The following TTN variants were observed in gnomAD, a reference collection of about 807,000 sequenced individuals.
TTN encodes connectin.
TTN carries 1,525 observed loss-of-function variants against 3,223.0 expected under a neutral mutation model. The ratio of observed to expected loss-of-function variants is 0.47; its 90% CI spans 0.45 to 0.49. The LOEUF is 0.49. Among genes scored for constraint, TTN ranks in the 20% least tolerant of loss-of-function variants. The probability of loss-of-function intolerance (pLI) is 0.00; values close to 1 mark genes in which losing one functional copy is unlikely to be tolerated. For synonymous variants in TTN, 14,094 were observed against 15,161.0 expected (o/e 0.93, Z 5.17); for missense variants, 40,786 against 43,424.0 (o/e 0.94, Z 5.40).
chr2:178,751,827 A>G (rs781084206), intron 47 of TTN: 3 of 1,612,934 alleles, frequency 1.9e-6, no homozygotes, highest in African/African-American at 1.3e-5. Context: ...ATTAATCTAC[A>G]TGTAAAAACA....
Position 178,567,405 on chromosome 2 carries a change from T to C in TTN, c.78727A>G (p.Lys26243Glu), listed in dbSNP as rs1372864085. ...AGTAAAGCCTTGAAATCTGTGTTCTTTATTTCACATCTAGCAGATTCTTCA... is the reference window on the plus strand; with the variant it reads ...AGTAAAGCCTTGAAATCTGTGTTCTCTATTTCACATCTAGCAGATTCTTCA... ...EIEESARCEIKNTDFKALLIV... is the reference protein window; with the variant it reads ...EIEESARCEIENTDFKALLIV... The change falls in exon 326 of 363, where the codon AAG becomes GAG. Residue 26243 changes from lysine (K) to glutamate (E), a missense_variant. By Grantham distance (56) the Lys-to-Glu change is moderately conservative (BLOSUM62 1). Coordinates refer to ENST00000589042, the MANE Select transcript of TTN (RefSeq NM_001267550.2). The C allele has an allele frequency of 3.1e-6, 5 of 1,603,374 alleles. No homozygotes were observed. The highest frequency in any genetic ancestry group is 3.4e-6 in the Non-Finnish European group (4 of 1,175,616).
intron 156 of TTN, 131 bp from the exon 157 acceptor site, chr2:178,670,426 C>CTGTA: frequency 2.4e-6 from 1 of 425,300 alleles, no homozygotes; most frequent in Non-Finnish European, 4.1e-6. Flanking sequence ...TTATCAAATA[C>CTGTA]ATTACAGTAT....
rs1292868903 is a variant in TTN, at chr2:178,624,488, G to T, written c.44792C>A (p.Thr14931Asn). The T allele has an allele frequency of 1.2e-6, 2 of 1,612,564 alleles. No homozygotes were observed. Among genetic ancestry groups the T allele is most frequent in the East Asian group, 4.5e-5 (2 of 44,746 alleles). ...TYTCDAKDFK[T>N]SCNLNVVPPH... ...ACGCACGACATTCAGGTTACAGGAA[G>T]TCTTAAAATCCTTAGCATCACAAGT... is the stretch of plus-strand genomic sequence containing the variant. Residue 14931 changes from threonine (T) to asparagine (N), a missense_variant, in exon 242 of 363, where the codon ACT (threonine) becomes AAT (asparagine). Physicochemically the swap from Thr to Asn is moderately conservative, Grantham distance 65. Coordinates refer to ENST00000589042, the MANE Select transcript of TTN (RefSeq NM_001267550.2).
chr2:178,775,194 A>G lies in TTN; in HGVS notation c.6517T>C (p.Leu2173=), dbSNP rs760798049. The G allele has an allele frequency of 5.0e-6, 8 of 1,613,912 alleles. No homozygotes were observed. The highest frequency in any genetic ancestry group is 5.9e-6 in the Non-Finnish European group (7 of 1,179,956). ...HAFLLVQAKQ[L]ITFTQELQDV... ...TGTAATTCCTGTGTGAAAGTGATCAATTGCTTGGCTACAAGAAAAAGGTGG... is the reference window on the plus strand; with the variant it reads ...TGTAATTCCTGTGTGAAAGTGATCAGTTGCTTGGCTACAAGAAAAAGGTGG... Residue 2173 remains leucine, a synonymous_variant, in exon 29 of 363, where the codon TTG becomes CTG. Transcript: ENST00000589042.
chr2:178,567,270 C>T lies in TTN; in HGVS notation c.78862G>A (p.Gly26288Arg). Residue 26288 changes from glycine to arginine, a missense_variant, in exon 326 of 363, where the codon GGA becomes AGA. Gly to Arg is a moderately radical substitution (Grantham distance 125, BLOSUM62 -2). Transcript: ENST00000589042. Reference protein sequence around the residue: ...PVNVKVLDRPGPPEGPVQVTG... With the variant: ...PVNVKVLDRPRPPEGPVQVTG... ...ACCTGGACTGGCCCTTCTGGAGGTCCTGGTCTATCTAATACTTTTACATTT... is the reference window on the plus strand; with the variant it reads ...ACCTGGACTGGCCCTTCTGGAGGTCTTGGTCTATCTAATACTTTTACATTT... 5 of 1,606,516 alleles carry T rather than the reference C, an allele frequency of 3.1e-6. 1 individual carries two copies. The South Asian group carries it at 5.6e-5, about 18-fold the overall frequency.
rs113934347 is a variant in TTN at position 178,579,951 on chromosome 2, C to T, written c.67336G>A (p.Val22446Ile). 2 of 1,613,118 alleles carry T rather than the reference C, an allele frequency of 1.2e-6. No homozygotes were observed. Among genetic ancestry groups the T allele is most frequent in the African/African-American group, 1.3e-5 (1 of 75,008 alleles). The change falls in exon 318 of 363, where the codon GTC (valine) becomes ATC (isoleucine). Residue 22446 changes from valine (V) to isoleucine (I), a missense_variant. Transcript: ENST00000589042. ...TTCATTTGCTTACGGGAAGCTTTGACAGCATCACGAGTTTCACCGGGATCA... is the reference window on the plus strand; with the variant it reads ...TTCATTTGCTTACGGGAAGCTTTGATAGCATCACGAGTTTCACCGGGATCA... ...IGDPGETRDA[V>I]KASQTPGPVV...
In TTN at chr2:178,538,974, A is replaced by G. The variant is rs930087833; in HGVS notation, c.98961T>C (p.Ser32987=). ...ATGGATCTTTGCAAACAACTGGTTC[A>G]GAAGCAGGGCTGGTCTCACTCAGGC... ...DVGLSETSPA[S]EPVVCKDPFD... The change falls in exon 353 of 363, where the codon TCT becomes TCC. Residue 32987 remains serine, a synonymous_variant. Transcript: ENST00000589042. 34 of 1,610,386 alleles carry G rather than the reference A, an allele frequency of 2.1e-5. No homozygotes were observed. Among genetic ancestry groups the G allele is most frequent in the Non-Finnish European group, 2.9e-5 (34 of 1,176,926 alleles).
rs1193461740 is a variant in TTN at position 178,714,316 on chromosome 2, A to C, written c.26458T>G (p.Cys8820Gly). 6.2e-7 allele frequency: 1 copy of C among 1,612,898 alleles called. No homozygotes were observed. Among genetic ancestry groups the C allele is most frequent in the African/African-American group, 1.3e-5 (1 of 74,852 alleles). ...CCGAGAACGGATAGCGTGGCGAAGCACTCTTGCATCCCAGCATCGTTTTTG... is the reference window on the plus strand; with the variant it reads ...CCGAGAACGGATAGCGTGGCGAAGCCCTCTTGCATCCCAGCATCGTTTTTG... ...QIKNDAGMQE[C>G]FATLSVLEPA... Residue 8820 changes from cysteine (C) to glycine (G), a missense_variant, in exon 91 of 363, where the codon TGC (cysteine) becomes GGC (glycine). Cys to Gly is a radical substitution (Grantham distance 159). Transcript: ENST00000589042.
At position 178,634,268 on chromosome 2, in the gene TTN, G is replaced by A; in HGVS notation, c.42415+98C>T. ...GGTAACACTGTGAAAGTTAATTAGT[G>A]ATGCATTATCACAGCTTTTAGAACT... On this transcript the variant is annotated intron_variant, in intron 230 of 362. Coordinates refer to ENST00000589042, the MANE Select transcript of TTN (RefSeq NM_001267550.2). The surrounding 1 kb of genome is among the most constrained non-coding windows in gnomAD (Gnocchi z 4.6). The A allele has an allele frequency of 6.6e-7, 1 of 1,506,100 alleles. No homozygotes were observed. Among genetic ancestry groups the A allele is most frequent in the African/African-American group, 1.4e-5 (1 of 71,098 alleles). The allele number at this position is 1,506,100 out of a possible 1,614,324, so 93.3% of individuals were successfully genotyped here.
rs934257925 is a variant in TTN, at chr2:178,641,431, T to C, written c.40559-116A>G. 5.0e-6 allele frequency: 3 copies of C among 601,234 alleles called. No homozygotes were observed. The African/African-American group carries it at 6.0e-5, about 12-fold the overall frequency. 37.2% of individuals were successfully genotyped at this position (601,234 alleles called of 1,614,324 possible). ...GGAAAATGAAAAAAAGCATGCTACC[T>C]AGCACTCTGGAAAGTAAGCATTTAC... is the stretch of plus-strand genomic sequence containing the variant. On this transcript the variant is annotated intron_variant, in intron 219 of 362. Coordinates refer to ENST00000589042, the MANE Select transcript of TTN (RefSeq NM_001267550.2).
intron 38 of TTN, 40 bp from the exon 39 acceptor site, chr2:178,768,195 CTTTA>C (rs1472593248): frequency 6.2e-7 from 1 of 1,601,972 alleles, no homozygotes; most frequent in African/African-American, 1.3e-5. Flanking sequence ...TTTTTAACAG[CTTTA>C]TTGAGATATA....
Position 178,731,885 on chromosome 2 carries a change from G to T in TTN, c.16990C>A (p.Pro5664Thr). 3 of 1,613,718 alleles carry T rather than the reference G, an allele frequency of 1.9e-6. No homozygotes were observed. The highest frequency in any genetic ancestry group is 2.5e-6 in the Non-Finnish European group (3 of 1,179,730). The stretch of plus-strand genomic sequence containing the variant: ...TTGAACCAAGTGATCTCAAAGGGAG[G>T]AGTGCCTGCCACCTCAGCCAGCAAC... ...VMLLAEVAGT[P>T]PFEITWFKDN... The change falls in exon 58 of 363, where the codon CCT (proline) becomes ACT (threonine). Residue 5664 changes from proline (P) to threonine (T), a missense_variant. Pro to Thr is a conservative substitution (Grantham distance 38, BLOSUM62 -1). Transcript: ENST00000589042.
rs200378944 is a variant in TTN, at chr2:178,746,380, A to G, written c.11312-4459T>C. 913 of 1,610,802 alleles carry G rather than the reference A, an allele frequency of 5.7e-4. No individual in the cohort carries two copies. Among genetic ancestry groups the G allele is most frequent in the Non-Finnish European group, 7.6e-4 (890 of 1,178,722 alleles). On this transcript the variant is annotated intron_variant, in intron 47 of 362. Coordinates refer to ENST00000589042, the MANE Select transcript of TTN (RefSeq NM_001267550.2). ...CATCTAGACTCACAATCATACTTTT[A>G]TGGTCAGGAGTAAATTCGGGAACTG...
rs768759804 is a variant in TTN at position 178,601,581 on chromosome 2, A to G, written c.55433-17T>C. ...CTGGTACATCTGTTGGATGTAAATC[A>G]CAATATAAGCAACGTTCCTTAAATG... On this transcript the variant is annotated splice_polypyrimidine_tract_variant and intron_variant, in intron 286 of 362. Coordinates refer to ENST00000589042, the MANE Select transcript of TTN (RefSeq NM_001267550.2). 6.2e-7 allele frequency: 1 copy of G among 1,600,776 alleles called. No individual in the cohort carries two copies. The highest frequency in any genetic ancestry group is 8.5e-7 in the Non-Finnish European group (1 of 1,173,908).
chr2:178,711,921 C>A, intron 96 of TTN, 23 bp downstream of exon 96: 1 of 1,532,316 alleles, frequency 6.5e-7, no homozygotes, highest in South Asian at 1.4e-5. Context: ...CAAATTCGTT[C>A]ACTTTAAAAA....
chr2:178,619,714 G>T lies in TTN; in HGVS notation c.46603C>A (p.Arg15535=), dbSNP rs764654357. 2 of 1,612,278 alleles carry T rather than the reference G, an allele frequency of 1.2e-6. No homozygotes were observed. The highest frequency in any genetic ancestry group is 3.3e-5 in the Admixed American group (2 of 59,886). Residue 15535 remains arginine, a synonymous_variant, in exon 250 of 363, where the codon CGA becomes AGA. Transcript: ENST00000589042. ...GGCTTAATATCACAAATCTGTAGTC[G>T]ATGTATCTTTCCTTCACTCATCATC... ...HQMMSEGKIH[R]LQICDIKPRD...
chr2:178,533,586 G>A lies in TTN; in HGVS notation c.103029C>T (p.Ser34343=). ...VVARNKYGED[S]CKAKLTVTLH... is the part of the protein sequence containing the mutation. ...GGGTTACTGTCAGCTTTGCTTTACA[G>A]CTGTCTTCACCATATTTGTTCCTTG... The change falls in exon 358 of 363, where the codon AGC becomes AGT. Residue 34343 remains serine (S), a synonymous_variant. Coordinates refer to ENST00000589042, the MANE Select transcript of TTN (RefSeq NM_001267550.2). 6.2e-7 allele frequency: 1 copy of A among 1,613,926 alleles called. No homozygotes were observed. Among genetic ancestry groups the A allele is most frequent in the Non-Finnish European group, 8.5e-7 (1 of 1,179,850 alleles).
At position 178,773,553 on chromosome 2, in the gene TTN, T is replaced by C; in HGVS notation, c.7503A>G (p.Arg2501=). The change falls in exon 32 of 363, where the codon CGA becomes CGG. Residue 2501 remains arginine (R), a synonymous_variant. Coordinates refer to ENST00000589042, the MANE Select transcript of TTN (RefSeq NM_001267550.2). ...VQAIVKGTKQ[R]LVINRTHASD... is the part of the protein sequence containing the mutation. Reference sequence around the variant, plus strand: ...AAGCATGAGTTCGGTTAATGACTAGTCGCTGTTTAGTACCTTTCACAATGG... The same window carrying C: ...AAGCATGAGTTCGGTTAATGACTAGCCGCTGTTTAGTACCTTTCACAATGG... 2.5e-6 allele frequency: 4 copies of C among 1,614,094 alleles called. No homozygotes were observed. Among genetic ancestry groups the C allele is most frequent in the Non-Finnish European group, 3.4e-6 (4 of 1,179,978 alleles).
chr2:178,799,985 C>G (rs774106763), intron 4 of TTN, 75 bp from the exon 5 acceptor site: 1 of 1,505,310 alleles, frequency 6.6e-7, no homozygotes, highest in Non-Finnish European at 9.2e-7. Context: ...TTAATTCTGA[C>G]TACAAAGTCA....
Sources: gnomAD v4.1 joint callset for allele counts on GRCh38, gnomAD v4.1.1 for gene constraint, Gnocchi (gnomAD v3.1) non-coding constraint, MANE v1.5 for transcripts, NCBI Gene and HGNC (gene_info 2026-07-23, HGNC 2026-07-21) for gene names.